Variants in UQCC1 observed in about 807,000 individuals in gnomAD.
UQCC1 encodes bFGF-repressed Zic-binding protein.
In UQCC1, 38 loss-of-function variants were observed where a neutral mutation model predicts 48.0. The ratio of observed to expected loss-of-function variants is 0.79; its 90% CI spans 0.61 to 1.04. The LOEUF (loss-of-function observed/expected upper bound fraction) is 1.04. Ranked by LOEUF, UQCC1 falls within the 50% of genes least tolerant of loss-of-function variation. UQCC1 has a pLI of 0.00. For missense variants in UQCC1, 368 were observed against 381.8 expected, an observed-to-expected ratio of 0.96 and a Z score of 0.30; for synonymous variants, 111 against 129.2, an observed-to-expected ratio of 0.86 and a Z score of 0.95.
intron 9 of UQCC1, among the ~76,000 whole-genome samples, chr20:35,305,437 C>T (rs1024039134): frequency 4.7e-4 from 71 of 152,224 alleles, no homozygotes; most frequent in African/African-American, 1.6e-3. Context: ...TGGCACAAGC[C>T]CACCATGGCA....
chr20:35,350,741 T>A (rs1386222333), intron 6 of UQCC1, among the ~76,000 whole-genome samples: 1 of 147,480 alleles, frequency 6.8e-6, no homozygotes, highest in Non-Finnish European at 1.5e-5. Flanking sequence ...GATTTACTGA[T>A]GTGATTCGAA....
chr20:35,366,758 C>CA, intron 5 of UQCC1, 144 bp from the exon 6 acceptor site: 1 of 625,300 alleles, frequency 1.6e-6, no homozygotes, highest in Non-Finnish European at 2.8e-6. Flanking sequence ...AGGGCGAGAC[C>CA]ACAGGATAAA....
In UQCC1 at chr20:35,384,149, A is replaced by T. The variant is rs2061909738; in HGVS notation, c.130-16T>A. 1 of 1,600,546 alleles carries T rather than the reference A, an allele frequency of 6.2e-7. No homozygotes were observed. The highest frequency in any genetic ancestry group is 8.6e-7 in the Non-Finnish European group (1 of 1,168,228). On this transcript the variant is annotated splice_polypyrimidine_tract_variant and intron_variant, in intron 2 of 9. Transcript: ENST00000374385. ...TCTGGGGCCACTGAAGAATAAAAAC[A>T]CAGATCTATGCAACACTGAGCACTT...
intron 1 of UQCC1, among the ~76,000 whole-genome samples, chr20:35,410,468 G>A (rs1369778350): frequency 6.7e-6 from 1 of 149,954 alleles, no homozygotes; most frequent in East Asian, 2.0e-4. Context: ...GGAGGCAGAG[G>A]TTGCAGTGAG....
At position 35,348,343 on chromosome 20, in the gene UQCC1, C is replaced by T. The variant is rs1163083463; in HGVS notation, c.465-1071G>A. On this transcript the variant is annotated intron_variant, in intron 6 of 9. Transcript: ENST00000374385. ...TCCCCAACTTTTCAAACTAGTTCCTCATTTCATGCATGACCATAGTTCATT... is the reference window on the plus strand; with the variant it reads ...TCCCCAACTTTTCAAACTAGTTCCTTATTTCATGCATGACCATAGTTCATT... Among the ~76,000 whole-genome samples the T allele has an allele frequency of 2.6e-5, 4 of 151,854 alleles. No individual in the cohort carries two copies. In the East Asian group the frequency reaches 7.8e-4, roughly 29 times the overall value.
intron 7 of UQCC1, among the ~76,000 whole-genome samples, chr20:35,316,102 A>G (rs2061055636): frequency 6.6e-6 from 1 of 152,174 alleles, no homozygotes; most frequent in Admixed American, 6.5e-5. Flanking sequence ...CCTCTTCAGG[A>G]TCCCAGCAGA....
At chr20:35,397,625 CT>C (rs2062101502) in intron 1 of UQCC1, among the ~76,000 whole-genome samples, 1 of 151,144 alleles carries the variant, frequency 6.6e-6, no homozygotes, top group Non-Finnish European at 1.5e-5. Flanking sequence ...AGTATAACAA[CT>C]ATTTACATAG....
At chr20:35,376,967 AC>A (rs1320743411) in intron 4 of UQCC1, among the ~76,000 whole-genome samples, 4 of 103,836 alleles carry the variant, frequency 3.9e-5, no homozygotes, top group Non-Finnish European at 7.2e-5. Flanking sequence ...ACAAAACAAA[AC>A]AAAAAAAAAA....
chr20:35,338,882 A>ATATATATATAT (rs1568666102), intron 7 of UQCC1, among the ~76,000 whole-genome samples: 1 of 60,162 alleles, frequency 1.7e-5, no homozygotes, highest in African/African-American at 2.1e-4. Context: ...AAAAAAAAAA[A>ATATATATATAT]AAAAAAAAAA....
At chr20:35,386,262 CTAA>C in intron 2 of UQCC1, 1 of 414,328 alleles carries the variant, frequency 2.4e-6, no homozygotes, top group Admixed American at 3.3e-5. Flanking sequence ...CAAACTCTCA[CTAA>C]TGCTATATTA....
At chr20:35,306,502 G>C (rs766580683) in intron 9 of UQCC1, 164 bp downstream of exon 9, 1 of 599,552 alleles carries the variant, frequency 1.7e-6, no homozygotes, top group Non-Finnish European at 3.0e-6. Context: ...TTCATGGTTG[G>C]ACATACAGAA....
At chr20:35,384,648 TAAA>T (rs386393686) in intron 2 of UQCC1, 702 of 381,682 alleles carry the variant, frequency 1.8e-3, no homozygotes, top group South Asian at 2.2e-3. Context: ...ACCCTGTCTG[TAAA>T]AAAAAAAAAA....
rs569068546 is a variant in UQCC1, at chr20:35,316,889, C to T, written c.574-2124G>A. On this transcript the variant is annotated intron_variant, in intron 7 of 9. Transcript: ENST00000374385. ...TCCTGACCTCGTGATCCACCCGCCT[C>T]GGCCTCCTAAAGTGCTGGGATTACA... Among the ~76,000 whole-genome samples, 7 of 152,072 alleles carry T rather than the reference C, an allele frequency of 4.6e-5. No individual in the cohort carries two copies. In the East Asian group the frequency reaches 9.7e-4, roughly 21 times the overall value.
At chr20:35,318,153 G>A (rs2061083884) in intron 7 of UQCC1, among the ~76,000 whole-genome samples, 3 of 152,186 alleles carry the variant, frequency 2.0e-5, no homozygotes, top group Non-Finnish European at 2.9e-5. Context: ...AACATTCACT[G>A]AACCTGCCTA....
rs1019129354 is a variant in UQCC1, at chr20:35,394,112, C to T, written c.109G>A (p.Ala37Thr). ...VSPTQGQGDR[A>T]LSRTSQWPQM... ...CTTACCTGGGAAGTGCGAGACAGAG[C>T]CCTGTCCCCCTGTCCTTGGGTAGGA... is the stretch of plus-strand genomic sequence containing the variant. Residue 37 changes from alanine (A) to threonine (T), a missense_variant, in exon 2 of 10, where the codon GCT (alanine) becomes ACT (threonine). By Grantham distance (58) the Ala-to-Thr change is moderately conservative. Transcript: ENST00000374385. The T allele has an allele frequency of 2.5e-6, 4 of 1,613,756 alleles. No individual in the cohort carries two copies. The African/African-American group carries it at 4.0e-5, about 16-fold the overall frequency.
chr20:35,338,880 A>ATATATATATATATAT (rs1568666082), intron 7 of UQCC1, among the ~76,000 whole-genome samples: 2 of 60,466 alleles, frequency 3.3e-5, no homozygotes, highest in African/African-American at 2.2e-4. Context: ...AAAAAAAAAA[A>ATATATATATATATAT]AAAAAAAAAA....
rs746307876 is a variant in UQCC1, at chr20:35,303,897, C to T, written c.*38G>A. 18 of 1,613,960 alleles carry T rather than the reference C, an allele frequency of 1.1e-5. No individual in the cohort carries two copies. Among genetic ancestry groups the T allele is most frequent in the Non-Finnish European group, 1.5e-5 (18 of 1,179,896 alleles). Reference sequence around the variant, plus strand: ...AGGCACTTCTCTCCTGGAGGTTCCTCGAAGCCAGCTGGCGGGCCGTGCGGA... The same window carrying T: ...AGGCACTTCTCTCCTGGAGGTTCCTTGAAGCCAGCTGGCGGGCCGTGCGGA... On this transcript the variant is annotated 3_prime_UTR_variant, in exon 10 of 10. Coordinates refer to ENST00000374385, the MANE Select transcript of UQCC1 (RefSeq NM_018244.5).
chr20:35,410,824 A>G (rs2062350913), intron 1 of UQCC1, among the ~76,000 whole-genome samples: 2 of 147,672 alleles, frequency 1.4e-5, no homozygotes, highest in Admixed American at 1.4e-4. Context: ...AGCAGTCCTC[A>G]TTTCTGAATC....
chr20:35,377,040 GAAGA>G (rs1206957665), intron 4 of UQCC1, among the ~76,000 whole-genome samples: 3 of 151,370 alleles, frequency 2.0e-5, no homozygotes, highest in Admixed American at 1.3e-4. Context: ...CAGAAAACAA[GAAGA>G]AAGGATATTT....
Sources: allele counts gnomAD v4.1 joint callset (sites outside exome capture counted in the v4.1 genomes callset), GRCh38; gene constraint gnomAD v4.1.1; transcripts MANE v1.5; gene names NCBI Gene and HGNC (gene_info 2026-07-23, HGNC 2026-07-21).